DOK5: variants seen among roughly 807,000 people sequenced by gnomAD.
DOK5 encodes the protein docking protein 5.
In DOK5, 27 loss-of-function variants were observed where a neutral mutation model predicts 43.3. That is an observed-to-expected ratio of 0.62 (90% CI 0.46 to 0.86). DOK5 has a LOEUF of 0.86. DOK5 is among the 40% of genes least tolerant of loss of function. The pLI is 0.00. For synonymous variants in DOK5, 146 were observed against 140.1 expected (o/e 1.04, Z -0.30); for missense variants, 373 against 392.9 (o/e 0.95, Z 0.43).
At chr20:54,611,579 T>A (rs893051509) in intron 6 of DOK5, among the ~76,000 whole-genome samples, 8 of 151,978 alleles carry the variant, frequency 5.3e-5, no homozygotes, top group African/African-American at 1.9e-4. Context: ...AAAAAAATAA[T>A]AATAATTATG....
chr20:54,578,740 T>G (rs1328562084), intron 2 of DOK5, among the ~76,000 whole-genome samples: 1 of 152,240 alleles, frequency 6.6e-6, no homozygotes, highest in Non-Finnish European at 1.5e-5. Context: ...CAACAGCTAT[T>G]TTGTCCTTTA....
intron 5 of DOK5, among the ~76,000 whole-genome samples, chr20:54,595,080 G>A (rs146287584): frequency 6.6e-6 from 1 of 152,174 alleles, no homozygotes; most frequent in South Asian, 2.1e-4. Flanking sequence ...GGTGGCTCAT[G>A]CCTGTAATCC....
chr20:54,524,744 T>C (rs977325855), intron 1 of DOK5, among the ~76,000 whole-genome samples: 2 of 152,244 alleles, frequency 1.3e-5, no homozygotes, highest in African/African-American at 4.8e-5. Flanking sequence ...GTTTTAATAT[T>C]CTTCCTCTCC....
At chr20:54,613,257 G>A (rs528236142) in intron 6 of DOK5, among the ~76,000 whole-genome samples, 2 of 146,802 alleles carry the variant, frequency 1.4e-5, no homozygotes, top group South Asian at 2.2e-4. Context: ...TCTCTCTCTC[G>A]CCATCTCTCT....
At chr20:54,556,076 G>C (rs1380246642) in intron 2 of DOK5, among the ~76,000 whole-genome samples, 1 of 152,168 alleles carries the variant, frequency 6.6e-6, no homozygotes, top group East Asian at 1.9e-4. Context: ...GAGAAATAAG[G>C]ACTACGTTAT....
chr20:54,511,950 G>A (rs971184236), intron 1 of DOK5, among the ~76,000 whole-genome samples: 1 of 152,170 alleles, frequency 6.6e-6, no homozygotes, highest in African/African-American at 2.4e-5. Flanking sequence ...AATGAATCTT[G>A]TGGCTTAGAT....
intron 1 of DOK5, among the ~76,000 whole-genome samples, chr20:54,537,791 T>A (rs1984007787): frequency 6.6e-6 from 1 of 151,072 alleles, no homozygotes; most frequent in African/African-American, 2.4e-5. Flanking sequence ...GCTGACAGAA[T>A]CTTGGAAACT....
intron 1 of DOK5, among the ~76,000 whole-genome samples, chr20:54,545,597 A>C (rs917131142): frequency 1.3e-5 from 2 of 152,240 alleles, no homozygotes; most frequent in Non-Finnish European, 2.9e-5. Context: ...AAGTTGTATG[A>C]GATAACATCT....
At chr20:54,563,371 T>C (rs1464684254) in intron 2 of DOK5, among the ~76,000 whole-genome samples, 1 of 152,224 alleles carries the variant, frequency 6.6e-6, no homozygotes, top group Non-Finnish European at 1.5e-5. Flanking sequence ...GTTTATAACT[T>C]TGTTTCTTGT....
At chr20:54,641,555 A>T in intron 6 of DOK5, among the ~76,000 whole-genome samples, 1 of 119,296 alleles carries the variant, frequency 8.4e-6, no homozygotes, top group Non-Finnish European at 2.0e-5. Context: ...CATCATCATC[A>T]TCATCATCAT....
intron 2 of DOK5, among the ~76,000 whole-genome samples, chr20:54,583,146 CTG>C (rs1985692398): frequency 6.6e-6 from 1 of 151,752 alleles, no homozygotes; most frequent in Admixed American, 6.6e-5. Flanking sequence ...TAAGATTGTG[CTG>C]TTTAATTTCC....
At position 54,526,527 on chromosome 20, in the gene DOK5, C is replaced by T. The variant is rs79855502; in HGVS notation, c.67-28406C>T. Among the ~76,000 whole-genome samples the T allele has an allele frequency of 4.6e-3, 693 of 152,286 alleles. 5 individuals are homozygous for T. Among genetic ancestry groups the T allele is most frequent in the African/African-American group, 0.016 (667 of 41,562 alleles). On this transcript the variant is annotated intron_variant, in intron 1 of 7. Coordinates refer to ENST00000262593, the MANE Select transcript of DOK5 (RefSeq NM_018431.5). ...TTGTCTTCTTAGGACCCAAACTGAA[C>T]TTTCTTGCTGCAGACTCTTGGTTTG...
intron 5 of DOK5, among the ~76,000 whole-genome samples, chr20:54,597,388 G>C (rs529955226): frequency 2.2e-4 from 33 of 152,244 alleles, no homozygotes; most frequent in Admixed American, 2.6e-4. Flanking sequence ...GACAACAAAG[G>C]ATTATCAGGT....
intron 1 of DOK5, among the ~76,000 whole-genome samples, chr20:54,486,098 A>T (rs1981922265): frequency 6.6e-6 from 1 of 151,892 alleles, no homozygotes; most frequent in Non-Finnish European, 1.5e-5. Flanking sequence ...AGATGTTTCA[A>T]TTTTTTTTGT....
intron 1 of DOK5, among the ~76,000 whole-genome samples, chr20:54,507,054 C>G (rs114709353): frequency 1.2e-3 from 179 of 152,298 alleles, no homozygotes; most frequent in African/African-American, 4.2e-3. Context: ...TAAACACCAG[C>G]TGTTAGTATA....
chr20:54,628,072 A>G (rs960581128), intron 6 of DOK5, among the ~76,000 whole-genome samples: 1 of 152,196 alleles, frequency 6.6e-6, no homozygotes, highest in Non-Finnish European at 1.5e-5. Context: ...CAATTCAGGC[A>G]TACTTTTCTA....
intron 1 of DOK5, among the ~76,000 whole-genome samples, chr20:54,512,834 A>AG (rs61178315): frequency 0.031 from 4,680 of 152,240 alleles, 222 homozygotes; most frequent in African/African-American, 0.11. Flanking sequence ...AAGGGTGCAA[A>AG]GAGTAAAGGA....
At chr20:54,643,708 C>CA in intron 7 of DOK5, 130 bp downstream of exon 7, 1 of 1,197,554 alleles carries the variant, frequency 8.4e-7, no homozygotes. Context: ...GGACCCCCAT[C>CA]AAGGCCTCAC....
At chr20:54,502,524 C>G (rs944082751) in intron 1 of DOK5, among the ~76,000 whole-genome samples, 1 of 152,122 alleles carries the variant, frequency 6.6e-6, no homozygotes, top group African/African-American at 2.4e-5. Flanking sequence ...CACCCGTCTA[C>G]CCAGAGCCAC....
Sources: allele counts gnomAD v4.1 joint callset (sites outside exome capture counted in the v4.1 genomes callset), GRCh38; gene constraint gnomAD v4.1.1; transcripts MANE v1.5; gene names NCBI Gene and HGNC (gene_info 2026-07-23, HGNC 2026-07-21).